Variants in TRAPPC9 observed in about 807,000 individuals in gnomAD.
TRAPPC9 encodes the protein IKK2 binding protein.
TRAPPC9 carries 83 observed loss-of-function variants against 124.0 expected under a neutral mutation model. The observed-to-expected ratio is 0.67, with a 90% confidence interval of 0.56 to 0.80. The LOEUF is 0.80. TRAPPC9 is among the 30% of genes least tolerant of loss of function. The pLI is 0.00. For synonymous variants in TRAPPC9, 638 were observed against 617.5 expected (o/e 1.03, Z -0.49); for missense variants, 1,302 against 1,508.3 (o/e 0.86, Z 2.27).
At chr8:140,268,575 C>T (rs1026305568) in intron 15 of TRAPPC9, among the ~76,000 whole-genome samples, 2 of 152,210 alleles carry the variant, frequency 1.3e-5, no homozygotes, top group African/African-American at 2.4e-5. Flanking sequence ...GGTAAAGTCA[C>T]AAGAGCTGGG....
At chr8:139,767,702 T>C (rs961788916) in intron 21 of TRAPPC9, among the ~76,000 whole-genome samples, 3 of 152,184 alleles carry the variant, frequency 2.0e-5, no homozygotes, top group Admixed American at 2.0e-4. Context: ...GACAAGCACT[T>C]CATCAAAGAA....
intron 10 of TRAPPC9, among the ~76,000 whole-genome samples, chr8:140,309,516 C>T (rs1335816093): frequency 2.6e-5 from 4 of 151,444 alleles, no homozygotes; most frequent in African/African-American, 2.4e-5. Context: ...GGACAAGAAG[C>T]CTCAGCTCCT....
intron 17 of TRAPPC9, among the ~76,000 whole-genome samples, chr8:140,069,042 C>A (rs562929152): frequency 6.6e-6 from 1 of 152,164 alleles, no homozygotes; most frequent in African/African-American, 2.4e-5. Context: ...GTTCCCAGCA[C>A]AAGCAAAATG....
chr8:140,263,512 G>A (rs980575234), intron 15 of TRAPPC9, among the ~76,000 whole-genome samples: 4 of 152,230 alleles, frequency 2.6e-5, no homozygotes, highest in Admixed American at 1.3e-4. Context: ...GGTGACAAAT[G>A]AGTTGACATT....
intron 17 of TRAPPC9, chr8:140,096,237 G>A (rs1224049674): frequency 6.6e-6 from 1 of 152,278 alleles, no homozygotes; most frequent in African/African-American, 2.4e-5. Context: ...AGTGTCGGAG[G>A]GAGGAGAGGA....
chr8:139,794,756 T>A (rs1822929261), intron 21 of TRAPPC9, among the ~76,000 whole-genome samples: 1 of 152,212 alleles, frequency 6.6e-6, no homozygotes, highest in Admixed American at 6.5e-5. Context: ...TCAGAGGGGC[T>A]GGCGAGGACG....
intron 5 of TRAPPC9, among the ~76,000 whole-genome samples, chr8:140,414,279 A>C (rs543360279): frequency 1.3e-5 from 2 of 152,334 alleles, no homozygotes; most frequent in Non-Finnish European, 2.9e-5. Flanking sequence ...TACACCAAAA[A>C]TCCCAGCACT....
chr8:140,435,397 C>G (rs2070779765), intron 3 of TRAPPC9, among the ~76,000 whole-genome samples, 157 bp from the exon 4 acceptor site: 1 of 152,212 alleles, frequency 6.6e-6, no homozygotes, highest in Non-Finnish European at 1.5e-5. Context: ...TCTCCCAAAA[C>G]AAAGATCAAA....
intron 17 of TRAPPC9, among the ~76,000 whole-genome samples, chr8:140,074,866 C>T (rs1053967917): frequency 6.6e-6 from 1 of 152,172 alleles, no homozygotes; most frequent in Non-Finnish European, 1.5e-5. Flanking sequence ...CAGCAAGTAG[C>T]TGGGCCTCTG....
chr8:140,354,480 C>T (rs1467625808), intron 9 of TRAPPC9, among the ~76,000 whole-genome samples: 4 of 152,180 alleles, frequency 2.6e-5, no homozygotes, highest in Non-Finnish European at 5.9e-5. Flanking sequence ...TAAATACTTG[C>T]CCTAATAACG....
rs185700763 is a variant in TRAPPC9, at chr8:139,916,211, C to A, written c.2811-5911G>T. ...TCGCTCACAATTTTAAAGTTCCTCACAATGTGCAAAACACACTGGGGTTTA... is the reference window on the plus strand; with the variant it reads ...TCGCTCACAATTTTAAAGTTCCTCAAAATGTGCAAAACACACTGGGGTTTA... On this transcript the variant is annotated intron_variant, in intron 19 of 22. Transcript: ENST00000438773. Among the ~76,000 whole-genome samples, 49 of 152,338 alleles carry A rather than the reference C, an allele frequency of 3.2e-4. No individual in the cohort carries two copies. The East Asian group carries it at 9.1e-3, about 28-fold the overall frequency.
chr8:140,044,018 C>CCTGGCAGTTGT (rs1563716872), intron 17 of TRAPPC9, among the ~76,000 whole-genome samples: 1 of 152,160 alleles, frequency 6.6e-6, no homozygotes, highest in Non-Finnish European at 1.5e-5. Flanking sequence ...TCCTGCCGTA[C>CCTGGCAGTTGT]CTGGCAGTTG....
chr8:140,024,961 T>C (rs1306999503), intron 17 of TRAPPC9, among the ~76,000 whole-genome samples: 2 of 152,142 alleles, frequency 1.3e-5, no homozygotes, highest in Admixed American at 6.5e-5. Context: ...AACCAAGGCA[T>C]TCCAGGAGAG....
At chr8:140,198,088 C>T (rs1336664761) in intron 17 of TRAPPC9, among the ~76,000 whole-genome samples, 2 of 152,178 alleles carry the variant, frequency 1.3e-5, no homozygotes, top group Admixed American at 6.5e-5. Context: ...CCTGAAACTG[C>T]CTTTGCAAAA....
chr8:139,941,406 G>A (rs1833912637), intron 19 of TRAPPC9, among the ~76,000 whole-genome samples: 1 of 152,228 alleles, frequency 6.6e-6, no homozygotes, highest in Admixed American at 6.5e-5. Context: ...GATTCAGGGT[G>A]GGGCCCTCTT....
At chr8:139,814,133 C>T (rs1824648359) in intron 21 of TRAPPC9, among the ~76,000 whole-genome samples, 1 of 152,232 alleles carries the variant, frequency 6.6e-6, no homozygotes, top group Admixed American at 6.5e-5. Context: ...CTCCGGCAGC[C>T]GCCACAGCTG....
At chr8:139,891,565 T>C (rs1276592819) in intron 20 of TRAPPC9, among the ~76,000 whole-genome samples, 1 of 152,204 alleles carries the variant, frequency 6.6e-6, no homozygotes, top group Non-Finnish European at 1.5e-5. Flanking sequence ...CAGCGGCACA[T>C]GCGGCACCCT....
chr8:139,745,895 T>C (rs959999600), intron 21 of TRAPPC9, among the ~76,000 whole-genome samples: 4 of 152,266 alleles, frequency 2.6e-5, no homozygotes, highest in Admixed American at 6.5e-5. Flanking sequence ...CACGTGCCCA[T>C]GGCGAGCACG....
At chr8:140,249,737 G>A (rs1324417848) in intron 16 of TRAPPC9, among the ~76,000 whole-genome samples, 1 of 151,494 alleles carries the variant, frequency 6.6e-6, no homozygotes, top group Non-Finnish European at 1.5e-5. Flanking sequence ...CCAAGTAGCT[G>A]GGACTACAGG....
Sources: allele counts gnomAD v4.1 joint callset (sites outside exome capture counted in the v4.1 genomes callset), GRCh38; gene constraint gnomAD v4.1.1; transcripts MANE v1.5; gene names NCBI Gene and HGNC (gene_info 2026-07-23, HGNC 2026-07-21).